AP1B1: variants seen among roughly 807,000 people sequenced by gnomAD.
AP1B1 encodes adaptor related protein complex 1 subunit beta 1, also known as AP-1 complex subunit beta-1.
Under a neutral mutation model 104.3 loss-of-function variants are expected in AP1B1, and 36 were observed. That is an observed-to-expected ratio of 0.35 (90% CI 0.26 to 0.46). The LOEUF is 0.46. Ranked by LOEUF, AP1B1 falls within the 20% of genes least tolerant of loss-of-function variation. AP1B1 has a pLI of 1.00. For missense variants in AP1B1, 901 were observed against 1,247.9 expected (o/e 0.72, Z 4.19); for synonymous variants, 504 against 517.5 (o/e 0.97, Z 0.35).
In AP1B1 at chr22:29,328,982, C is replaced by A; in HGVS notation, c.2776-87G>T. ...AAAGGGGTGGGGAAGAGAGCAGGAACCAATGGGACAGCGTGGAGTGCACAC... is the reference window on the plus strand; with the variant it reads ...AAAGGGGTGGGGAAGAGAGCAGGAAACAATGGGACAGCGTGGAGTGCACAC... On this transcript the variant is annotated intron_variant, in intron 22 of 22. Transcript: ENST00000357586. This position sits in a 1 kb window ranked among gnomAD's most constrained non-coding sequence, Gnocchi z 4.1. 1 of 1,545,534 alleles carries A rather than the reference C, an allele frequency of 6.5e-7. No homozygotes were observed. Among genetic ancestry groups the A allele is most frequent in the Non-Finnish European group, 8.7e-7 (1 of 1,148,102 alleles).
chr22:29,352,296 A>G (rs997646803), intron 7 of AP1B1, among the ~76,000 whole-genome samples: 5 of 152,238 alleles, frequency 3.3e-5, no homozygotes, highest in Non-Finnish European at 7.3e-5. Flanking sequence ...TCCCTAAATG[A>G]TAAAGGTATT....
At chr22:29,376,824 C>A (rs1378262320) in intron 1 of AP1B1, among the ~76,000 whole-genome samples, 1 of 152,132 alleles carries the variant, frequency 6.6e-6, no homozygotes, top group Non-Finnish European at 1.5e-5. Context: ...GACTGTGTAC[C>A]TGCTCCCACA....
intron 1 of AP1B1, among the ~76,000 whole-genome samples, chr22:29,371,450 G>A (rs2062235709): frequency 1.3e-5 from 2 of 152,178 alleles, no homozygotes; most frequent in Middle Eastern, 3.2e-3. Context: ...AGCAGGCAGC[G>A]GCTGGGCGCG....
At chr22:29,342,802 C>T (rs1260737879) in intron 11 of AP1B1, among the ~76,000 whole-genome samples, 1 of 152,192 alleles carries the variant, frequency 6.6e-6, no homozygotes, top group Admixed American at 6.5e-5. Flanking sequence ...GCAGGGCCCA[C>T]AGAGCCTGCC....
chr22:29,335,410 C>T (rs1326087855), intron 16 of AP1B1, among the ~76,000 whole-genome samples: 3 of 152,046 alleles, frequency 2.0e-5, no homozygotes, highest in Non-Finnish European at 4.4e-5. Flanking sequence ...GCACCAGCCC[C>T]CCACCCCACC....
Position 29,331,904 on chromosome 22 carries a change from G to A in AP1B1, c.2322C>T (p.Ala774=). Residue 774 remains alanine, a synonymous_variant, in exon 18 of 23, where the codon GCC becomes GCT. Transcript: ENST00000357586. ...CGTGGACCTGGAGGGGGGCGGCGGGGGCCAGGCCAAAGCTGGGGAGAGAGA... is the reference window on the plus strand; with the variant it reads ...CGTGGACCTGGAGGGGGGCGGCGGGAGCCAGGCCAAAGCTGGGGAGAGAGA... ...IQFNRNSFGL[A]PAAPLQVHAP... 1 of 1,610,944 alleles carries A rather than the reference G, an allele frequency of 6.2e-7. No individual in the cohort carries two copies. Among genetic ancestry groups the A allele is most frequent in the South Asian group, 1.1e-5 (1 of 91,040 alleles).
chr22:29,370,285 G>A (rs1037351221), intron 1 of AP1B1, among the ~76,000 whole-genome samples: 187 of 151,420 alleles, frequency 1.2e-3, no homozygotes, highest in African/African-American at 4.4e-3. Flanking sequence ...AAACCCCGTC[G>A]CTACTAAAAT....
intron 11 of AP1B1, among the ~76,000 whole-genome samples, chr22:29,346,797 G>T (rs1022659252): frequency 1.3e-5 from 2 of 152,168 alleles, no homozygotes; most frequent in Non-Finnish European, 2.9e-5. Context: ...GTGGCAGTGG[G>T]GGGGGGTGAC....
At chr22:29,377,246 C>CTT (rs940796987) in intron 1 of AP1B1, among the ~76,000 whole-genome samples, 15 of 136,458 alleles carry the variant, frequency 1.1e-4, no homozygotes, top group African/African-American at 4.1e-4. Context: ...TAGGTAAATA[C>CTT]TTAAGTTCAC....
chr22:29,347,209 T>C (rs1196137567), intron 11 of AP1B1, among the ~76,000 whole-genome samples: 1 of 152,174 alleles, frequency 6.6e-6, no homozygotes, highest in Non-Finnish European at 1.5e-5. Flanking sequence ...GAGAGCATGC[T>C]ACCCACACTT....
At chr22:29,329,535 CTG>C (rs2061525389) in intron 22 of AP1B1, 175 bp downstream of exon 22, 13 of 1,465,430 alleles carry the variant, frequency 8.9e-6, no homozygotes, top group Non-Finnish European at 1.1e-5. Context: ...TCTGTGCACA[CTG>C]TGAATGTGTG....
chr22:29,360,033 G>A (rs1176366069), intron 3 of AP1B1, 74 bp from the exon 4 acceptor site: 14 of 1,522,004 alleles, frequency 9.2e-6, no homozygotes, highest in African/African-American at 1.4e-5. Context: ...CTGCTAACTA[G>A]TGGGTGAGAG....
chr22:29,351,203 G>C lies in AP1B1; in HGVS notation c.1123C>G (p.Arg375Gly), dbSNP rs370184347. ...TTGATGGCGCAGCGGCCAATAGCAC[G>C]CACAGCCTTCCGTACAAAGTCCACA... ...VDVDFVRKAV[R>G]AIGRCAIKVE... The change falls in exon 9 of 23, where the codon CGT becomes GGT. Residue 375 changes from arginine (R) to glycine (G), a missense_variant. By Grantham distance (125) the Arg-to-Gly change is moderately radical (BLOSUM62 -2). This residue lies in a region of AP1B1 where 471 missense variants were observed against 696.7 expected (regional missense o/e 0.68). Coordinates refer to ENST00000357586, the MANE Select transcript of AP1B1 (RefSeq NM_001127.4). 2.6e-5 allele frequency: 42 copies of C among 1,613,764 alleles called. No individual in the cohort carries two copies. Among genetic ancestry groups the C allele is most frequent in the Non-Finnish European group, 3.5e-5 (41 of 1,179,820 alleles).
At chr22:29,369,516 G>C (rs1364056989) in intron 1 of AP1B1, among the ~76,000 whole-genome samples, 1 of 152,256 alleles carries the variant, frequency 6.6e-6, no homozygotes, top group African/African-American at 2.4e-5. Flanking sequence ...CTGCAGGAAA[G>C]AGCAGAAGAG....
rs558827657 is a variant in AP1B1, at chr22:29,343,400, C to T, written c.1438-1017G>A. On this transcript the variant is annotated intron_variant, in intron 11 of 22. Transcript: ENST00000357586. ...CTTGTGCAGGGAAGGCTGACAGAGG[C>T]AGGCAGAATGGAGGGCACGTGGTCC... 2.4e-3 allele frequency among the ~76,000 whole-genome samples: 372 copies of T among 152,340 alleles called. 1 individual carries two copies. The highest frequency in any genetic ancestry group is 8.6e-3 in the African/African-American group (358 of 41,580).
rs112221305 is a variant in AP1B1, at chr22:29,380,759, C to T, written c.-28+7665G>A. On this transcript the variant is annotated intron_variant, in intron 1 of 22. Coordinates refer to ENST00000357586, the MANE Select transcript of AP1B1 (RefSeq NM_001127.4). Reference sequence around the variant, plus strand: ...CATCACCTTCCATTTAGAGTGCTAACAAAGCTGCTCCCACACTGCTTTGCT... The same window carrying T: ...CATCACCTTCCATTTAGAGTGCTAATAAAGCTGCTCCCACACTGCTTTGCT... Among the ~76,000 whole-genome samples, 804 of 152,278 alleles carry T rather than the reference C, an allele frequency of 5.3e-3. 6 individuals are homozygous for T. The highest frequency in any genetic ancestry group is 0.018 in the African/African-American group (767 of 41,536).
At position 29,354,820 on chromosome 22, in the gene AP1B1, C is replaced by G; in HGVS notation, c.768G>C (p.Val256=). 1 of 1,614,140 alleles carries G rather than the reference C, an allele frequency of 6.2e-7. No individual in the cohort carries two copies. The change falls in exon 7 of 23, where the codon GTG becomes GTC. Residue 256 remains valine (V), a synonymous_variant. Coordinates refer to ENST00000357586, the MANE Select transcript of AP1B1 (RefSeq NM_001127.4). ...TCATCAGCACCTTCACAGCAGAGAGCACCACAGCGGAGTTGGCATGGGAGA... is the reference window on the plus strand; with the variant it reads ...TCATCAGCACCTTCACAGCAGAGAGGACCACAGCGGAGTTGGCATGGGAGA... The part of the protein sequence containing the change: ...PRLSHANSAV[V]LSAVKVLMKF...
chr22:29,342,029 C>T (rs1024708512), intron 12 of AP1B1, among the ~76,000 whole-genome samples: 1 of 152,258 alleles, frequency 6.6e-6, no homozygotes, highest in Non-Finnish European at 1.5e-5. Flanking sequence ...CCAACACACA[C>T]CCTCAGGTTT....
chr22:29,373,769 G>T (rs1203981915), intron 1 of AP1B1, among the ~76,000 whole-genome samples: 2 of 152,020 alleles, frequency 1.3e-5, no homozygotes, highest in Non-Finnish European at 2.9e-5. Context: ...GGGCCTGGTA[G>T]TGGGCACCTG....
Sources: gnomAD v4.1 joint callset for allele counts (sites outside exome capture counted in the v4.1 genomes callset) on GRCh38, gnomAD v4.1.1 for gene constraint, gnomAD v4.1.1 regional missense constraint, Gnocchi (gnomAD v3.1) non-coding constraint, MANE v1.5 for transcripts, NCBI Gene and HGNC (gene_info 2026-07-23, HGNC 2026-07-21) for gene names.